The following NREP variants were observed in gnomAD, a reference collection of about 807,000 sequenced individuals.
NREP encodes neuronal regeneration-related protein.
In NREP, 5 loss-of-function variants were observed where a neutral mutation model predicts 8.6. That is an observed-to-expected ratio of 0.58 (90% CI 0.30 to 1.22). The LOEUF (loss-of-function observed/expected upper bound fraction) is 1.22, where lower values mean the gene tolerates loss of function less well. Ranked by LOEUF, NREP falls within the 50% of genes most tolerant of loss-of-function variation. The pLI is 0.07. For synonymous variants in NREP, 27 were observed against 28.0 expected, an observed-to-expected ratio of 0.96 and a Z score of 0.11; for missense variants, 86 against 82.5, an observed-to-expected ratio of 1.04 and a Z score of -0.17.
At chr5:111,888,613 C>T (rs1754319810) in intron 2 of NREP, among the ~76,000 whole-genome samples, 3 of 152,124 alleles carry the variant, frequency 2.0e-5, no homozygotes, top group Non-Finnish European at 4.4e-5. Context: ...GGACATAGAG[C>T]CAAACCATAC....
chr5:111,854,877 T>G (rs1378686606), intron 2 of NREP, among the ~76,000 whole-genome samples: 1 of 152,118 alleles, frequency 6.6e-6, no homozygotes, highest in Non-Finnish European at 1.5e-5. Context: ...CCAGAGAAAA[T>G]AGGCAATATT....
intron 2 of NREP, among the ~76,000 whole-genome samples, chr5:111,937,923 G>A (rs1002940750): frequency 3.3e-5 from 5 of 152,036 alleles, no homozygotes; most frequent in African/African-American, 1.2e-4. Context: ...ACTTATGCCT[G>A]CTCTTGACTT....
chr5:111,815,490 GT>G (rs534792069), intron 2 of NREP, among the ~76,000 whole-genome samples: 27 of 145,970 alleles, frequency 1.8e-4, no homozygotes, highest in East Asian at 4.0e-4. Flanking sequence ...ATCAAAGAAA[GT>G]TTTTTTTTTT....
intron 2 of NREP, among the ~76,000 whole-genome samples, chr5:111,926,190 T>C (rs1399166627): frequency 6.6e-6 from 1 of 152,132 alleles, no homozygotes; most frequent in African/African-American, 2.4e-5. Flanking sequence ...GGGCATTTCA[T>C]GCAGGGGTAA....
intron 2 of NREP, among the ~76,000 whole-genome samples, chr5:111,861,742 G>T (rs1194215353): frequency 6.6e-6 from 1 of 152,100 alleles, no homozygotes; most frequent in East Asian, 1.9e-4. Flanking sequence ...CAATAGCTTG[G>T]ATATAGTAGG....
At chr5:111,781,448 C>T (rs2112883474) in intron 2 of NREP, among the ~76,000 whole-genome samples, 1 of 152,208 alleles carries the variant, frequency 6.6e-6, no homozygotes, top group African/African-American at 2.4e-5. Context: ...CAAGCAAAAG[C>T]CTTCTGACGA....
chr5:111,873,415 G>A (rs1052288077), intron 2 of NREP, among the ~76,000 whole-genome samples: 2 of 152,172 alleles, frequency 1.3e-5, no homozygotes, highest in Non-Finnish European at 2.9e-5. Context: ...CACAAGCCAT[G>A]TTCCTCTCTA....
chr5:111,750,494 C>T (rs1332940152), intron 2 of NREP, among the ~76,000 whole-genome samples: 2 of 152,154 alleles, frequency 1.3e-5, no homozygotes, highest in Non-Finnish European at 2.9e-5. Flanking sequence ...TTAGCAATGT[C>T]TCCCACAGGT....
At chr5:111,831,534 T>C (rs1281568015) in intron 2 of NREP, among the ~76,000 whole-genome samples, 1 of 152,294 alleles carries the variant, frequency 6.6e-6, no homozygotes, top group East Asian at 1.9e-4. Flanking sequence ...TCAGGGCATG[T>C]TGGAACATCC....
intron 2 of NREP, among the ~76,000 whole-genome samples, chr5:111,826,351 G>A (rs565694454): frequency 5.3e-5 from 8 of 152,190 alleles, no homozygotes; most frequent in Non-Finnish European, 8.8e-5. Context: ...AACCACTCAG[G>A]TCTCCTTCAG....
Position 111,943,299 on chromosome 5 carries a change from T to C in NREP, c.135+31975A>G, listed in dbSNP as rs191220588. ...TGAACTCCCTATACATCTTCTTGCCTGAACTCTCATAGGCACATACTGCCT... is the reference window on the plus strand; with the variant it reads ...TGAACTCCCTATACATCTTCTTGCCCGAACTCTCATAGGCACATACTGCCT... On this transcript the variant is annotated intron_variant, in intron 2 of 3. Transcript: ENST00000395634. Among the ~76,000 whole-genome samples, 445 of 152,200 alleles carry C rather than the reference T, an allele frequency of 2.9e-3. 2 individuals carry two copies. The highest frequency in any genetic ancestry group is 5.6e-3 in the Non-Finnish European group (379 of 67,972).
intron 2 of NREP, among the ~76,000 whole-genome samples, chr5:111,781,888 A>G (rs571441489): frequency 2.6e-5 from 4 of 152,166 alleles, no homozygotes; most frequent in Admixed American, 6.5e-5. Flanking sequence ...AGGATAGCCA[A>G]TGAGAAAACA....
At chr5:111,771,565 C>G (rs1751230204) in intron 2 of NREP, among the ~76,000 whole-genome samples, 1 of 152,110 alleles carries the variant, frequency 6.6e-6, no homozygotes, top group South Asian at 2.1e-4. Context: ...AAGTTCGAGA[C>G]CAGCCTGACC....
intron 2 of NREP, among the ~76,000 whole-genome samples, chr5:111,863,255 G>T (rs1001981853): frequency 3.3e-5 from 5 of 152,114 alleles, no homozygotes; most frequent in African/African-American, 9.7e-5. Flanking sequence ...TGGAGAGTGA[G>T]TAAGAGAAGA....
intron 2 of NREP, among the ~76,000 whole-genome samples, chr5:111,924,512 C>T (rs528956468): frequency 8.8e-4 from 133 of 151,950 alleles, no homozygotes; most frequent in Non-Finnish European, 1.4e-3. Flanking sequence ...TTCATTTCCT[C>T]AGGTATTTGG....
chr5:111,735,403 TAAC>T, intron 3 of NREP, 24 bp downstream of exon 3: 1 of 1,489,978 alleles, frequency 6.7e-7, no homozygotes, highest in South Asian at 1.1e-5. Context: ...AAAATAGTGT[TAAC>T]AATATGGCAT....
chr5:111,799,576 T>C (rs752428023), intron 2 of NREP, among the ~76,000 whole-genome samples: 4 of 152,222 alleles, frequency 2.6e-5, no homozygotes, highest in Non-Finnish European at 4.4e-5. Flanking sequence ...TGCCAAAATT[T>C]CCTATATGCT....
At chr5:111,924,548 C>T (rs1387609836) in intron 2 of NREP, among the ~76,000 whole-genome samples, 1 of 152,060 alleles carries the variant, frequency 6.6e-6, no homozygotes, top group Non-Finnish European at 1.5e-5. Flanking sequence ...GGATTAGGGA[C>T]TACTGAATGA....
intron 2 of NREP, among the ~76,000 whole-genome samples, chr5:111,819,921 G>C (rs1177186121): frequency 1.3e-5 from 2 of 152,160 alleles, no homozygotes; most frequent in Non-Finnish European, 2.9e-5. Flanking sequence ...TAATTGGTAA[G>C]TCTTGAAGAA....
Sources: gnomAD v4.1 joint callset for allele counts (sites outside exome capture counted in the v4.1 genomes callset) on GRCh38, gnomAD v4.1.1 for gene constraint, MANE v1.5 for transcripts, NCBI Gene and HGNC (gene_info 2026-07-23, HGNC 2026-07-21) for gene names.